The following NRXN3 variants were observed in gnomAD, a reference collection of about 807,000 sequenced individuals.
The protein encoded by NRXN3 is neurexin 3.
NRXN3 carries 32 observed loss-of-function variants against 137.6 expected under a neutral mutation model. That is an observed-to-expected ratio of 0.23 (90% confidence interval 0.18 to 0.31). The LOEUF (loss-of-function observed/expected upper bound fraction) is 0.31. NRXN3 is among the 10% of genes least tolerant of loss of function. The pLI is 1.00. For synonymous variants in NRXN3, 798 were observed against 784.5 expected, an observed-to-expected ratio of 1.02 and a Z score of -0.29; for missense variants, 1,574 against 2,062.5, an observed-to-expected ratio of 0.76 and a Z score of 4.59.
At chr14:79,662,093 A>T (rs371337080) in intron 16 of NRXN3, among the ~76,000 whole-genome samples, 1 of 152,074 alleles carries the variant, frequency 6.6e-6, no homozygotes. Context: ...GTGAAGAAGG[A>T]TGTGTTTGCT....
intron 9 of NRXN3, among the ~76,000 whole-genome samples, chr14:78,804,688 C>T (rs1391707698): frequency 1.3e-5 from 2 of 152,088 alleles, no homozygotes; most frequent in African/African-American, 4.8e-5. Context: ...CTTTATATGG[C>T]CTCATATTCT....
chr14:78,310,763 G>C (rs556718484), intron 4 of NRXN3, among the ~76,000 whole-genome samples: 32 of 152,202 alleles, frequency 2.1e-4, no homozygotes, highest in African/African-American at 7.5e-4. Flanking sequence ...TTAGAGTACT[G>C]ATGTTAGTGT....
chr14:79,066,554 T>C (rs1271145602), intron 15 of NRXN3, among the ~76,000 whole-genome samples: 4 of 152,222 alleles, frequency 2.6e-5, no homozygotes, highest in Non-Finnish European at 5.9e-5. Context: ...GGAATAGCAT[T>C]GAATCTATAA....
chr14:78,896,060 G>T (rs924535839), intron 10 of NRXN3, among the ~76,000 whole-genome samples: 2 of 151,894 alleles, frequency 1.3e-5, no homozygotes, highest in African/African-American at 4.8e-5. Flanking sequence ...GGCACATGCA[G>T]TTAGAAAAAT....
intron 8 of NRXN3, among the ~76,000 whole-genome samples, chr14:78,782,948 G>A (rs936498213): frequency 6.6e-6 from 1 of 152,140 alleles, no homozygotes; most frequent in Non-Finnish European, 1.5e-5. Context: ...CATAAATGTA[G>A]GAGGAAACAG....
chr14:78,431,291 G>A (rs2093869215), intron 4 of NRXN3, among the ~76,000 whole-genome samples: 2 of 152,102 alleles, frequency 1.3e-5, no homozygotes, highest in South Asian at 4.1e-4. Context: ...AGGCACTAAG[G>A]GAAACTAAGG....
chr14:79,008,661 CTT>C (rs372617673), intron 15 of NRXN3, among the ~76,000 whole-genome samples: 5,085 of 130,672 alleles, frequency 0.039, 222 homozygotes, highest in African/African-American at 0.12. Flanking sequence ...TTTCTCTTTG[CTT>C]TTTTTTTTTT....
chr14:78,519,102 G>A (rs969176789), intron 4 of NRXN3, among the ~76,000 whole-genome samples: 1 of 152,044 alleles, frequency 6.6e-6, no homozygotes, highest in African/African-American at 2.4e-5. Flanking sequence ...TATACAACTT[G>A]TCTATAGATC....
At chr14:78,880,685 T>C (rs909059480) in intron 10 of NRXN3, among the ~76,000 whole-genome samples, 10 of 152,266 alleles carry the variant, frequency 6.6e-5, no homozygotes, top group Non-Finnish European at 1.5e-4. Flanking sequence ...ATAAGGAATA[T>C]ATATGTATAT....
At chr14:79,859,824 G>A (rs1205335589) in intron 20 of NRXN3, among the ~76,000 whole-genome samples, 3 of 152,064 alleles carry the variant, frequency 2.0e-5, no homozygotes, top group Non-Finnish European at 2.9e-5. Flanking sequence ...AAATAACTGG[G>A]GCAGGGAAAC....
intron 15 of NRXN3, among the ~76,000 whole-genome samples, chr14:79,096,771 C>T (rs188621987): frequency 6.6e-6 from 1 of 152,244 alleles, no homozygotes; most frequent in East Asian, 1.9e-4. Flanking sequence ...CCCAATCACC[C>T]TTCTTGCTTG....
chr14:79,792,241 G>A (rs955935355), intron 19 of NRXN3, among the ~76,000 whole-genome samples: 3 of 152,202 alleles, frequency 2.0e-5, no homozygotes, highest in African/African-American at 7.2e-5. Flanking sequence ...CTATGCTGCT[G>A]TAAAAATAGA....
chr14:78,514,984 A>C (rs539304397), intron 4 of NRXN3, among the ~76,000 whole-genome samples: 1 of 152,278 alleles, frequency 6.6e-6, no homozygotes, highest in South Asian at 2.1e-4. Context: ...TCTGTAGTGC[A>C]CTTGGAAAAT....
intron 4 of NRXN3, among the ~76,000 whole-genome samples, chr14:78,607,836 A>G (rs1050360534): frequency 2.6e-5 from 4 of 152,140 alleles, no homozygotes; most frequent in African/African-American, 9.7e-5. Context: ...ATATTCACAG[A>G]GCCCCTCAGT....
At chr14:79,352,546 C>G (rs945785053) in intron 15 of NRXN3, among the ~76,000 whole-genome samples, 1 of 152,034 alleles carries the variant, frequency 6.6e-6, no homozygotes, top group Admixed American at 6.6e-5. Flanking sequence ...TTGAGAAGCT[C>G]ATGTTAAAAG....
intron 4 of NRXN3, among the ~76,000 whole-genome samples, chr14:78,624,827 GTGTGTT>G (rs1303587327): frequency 7.3e-5 from 11 of 150,360 alleles, no homozygotes; most frequent in South Asian, 2.1e-4. Flanking sequence ...GTGTGTGTGT[GTGTGTT>G]TGTTTGTTTG....
intron 19 of NRXN3, among the ~76,000 whole-genome samples, chr14:79,786,726 G>A (rs1323490210): frequency 6.6e-6 from 1 of 152,176 alleles, no homozygotes; most frequent in Non-Finnish European, 1.5e-5. Context: ...ACTGCCCAAT[G>A]TTCAACTAAG....
At chr14:79,847,332 T>A (rs1028722824) in intron 20 of NRXN3, among the ~76,000 whole-genome samples, 1 of 152,224 alleles carries the variant, frequency 6.6e-6, no homozygotes, top group Non-Finnish European at 1.5e-5. Context: ...GCATGTAATT[T>A]TACAGTTATT....
chr14:78,996,893 A>G (rs765266656), intron 15 of NRXN3, among the ~76,000 whole-genome samples: 5 of 152,190 alleles, frequency 3.3e-5, no homozygotes, highest in African/African-American at 1.2e-4. Context: ...GAAGATAACA[A>G]TGAAACCCAG....
Sources: gnomAD v4.1 joint callset for allele counts (sites outside exome capture counted in the v4.1 genomes callset) on GRCh38, gnomAD v4.1.1 for gene constraint, MANE v1.5 for transcripts, NCBI Gene and HGNC (gene_info 2026-07-23, HGNC 2026-07-21) for gene names.